The following TEX264 variants were observed in gnomAD, a reference collection of about 807,000 sequenced individuals.
The protein encoded by TEX264 is testis expressed 264, ER-phagy receptor, also known as testis-expressed protein 264.
Under a neutral mutation model 23.4 loss-of-function variants are expected in TEX264, and 13 were observed. The ratio of observed to expected loss-of-function variants is 0.56; its 90% CI spans 0.36 to 0.88. The LOEUF (loss-of-function observed/expected upper bound fraction) is 0.88, where lower values mean the gene tolerates loss of function less well. TEX264 is among the 40% of genes least tolerant of loss of function. The pLI, the probability that TEX264 is intolerant of heterozygous loss-of-function variation, is 0.01. For synonymous variants in TEX264, 159 were observed against 170.0 expected (o/e 0.94, Z 0.50); for missense variants, 340 against 406.8 (o/e 0.84, Z 1.41).
In TEX264 at chr3:51,694,085, G is replaced by GTCCTTCCTTCCTTCCT. The variant is rs60670569; in HGVS notation, c.481-5278_481-5263dup. ...CCTTCCCTTCCCCTTCCTTCCGTCC[G>GTCCTTCCTTCCTTCCT]TCCTTCCTTCCTTCCTTCCTTCCTT... On this transcript the variant is annotated intron_variant, in intron 3 of 4. Transcript: ENST00000341333. Among the ~76,000 whole-genome samples the GTCCTTCCTTCCTTCCT allele has an allele frequency of 2.2e-3, 187 of 85,296 alleles. 4 individuals are homozygous for GTCCTTCCTTCCTTCCT. The highest frequency in any genetic ancestry group is 0.014 in the South Asian group (25 of 1,768). The allele number at this position is 85,296 out of a possible 152,430, so 56.0% of individuals were successfully genotyped here.
At chr3:51,699,349 A>G in intron 3 of TEX264, 57 bp from the exon 4 acceptor site, 15 of 1,577,970 alleles carry the variant, frequency 9.5e-6, no homozygotes, top group Non-Finnish European at 1.3e-5. Flanking sequence ...TCACCCAGGG[A>G]CAAGTGAGTC....
At chr3:51,699,311 C>A in intron 3 of TEX264, 95 bp from the exon 4 acceptor site, 1 of 1,342,790 alleles carries the variant, frequency 7.4e-7, no homozygotes, top group Non-Finnish European at 1.0e-6. Flanking sequence ...GCCCCTGGGA[C>A]AGAATAGGTA....
At chr3:51,697,809 A>C (rs564495015) in intron 3 of TEX264, among the ~76,000 whole-genome samples, 1 of 152,190 alleles carries the variant, frequency 6.6e-6, no homozygotes, top group Admixed American at 6.5e-5. Context: ...TAGAGAAGCA[A>C]AGACAGCCAT....
chr3:51,704,025 C>T lies in TEX264; in HGVS notation c.*9C>T, dbSNP rs1206337000. The T allele has an allele frequency of 3.4e-6, 5 of 1,488,136 alleles. No individual in the cohort carries two copies. The Admixed American group carries it at 6.8e-5, about 20-fold the overall frequency. The allele number at this position is 1,488,136 out of a possible 1,614,324, so 92.2% of individuals were successfully genotyped here. A position where few individuals can be genotyped will look rare whatever the true frequency, so the allele number is the denominator to read the frequency against. ...AGAAGGGCAAGGAGTAACCCATGGC[C>T]TGCACCCTCCTGCAGTGCAGTTGCT... On this transcript the variant is annotated 3_prime_UTR_variant, in exon 5 of 5. Coordinates refer to ENST00000341333, the MANE Select transcript of TEX264 (RefSeq NM_015926.6).
chr3:51,693,053 A>G (rs1343098416), intron 3 of TEX264, among the ~76,000 whole-genome samples: 2 of 152,224 alleles, frequency 1.3e-5, no homozygotes, highest in Non-Finnish European at 2.9e-5. Context: ...CCTGTGTCCC[A>G]TGTGCCTGCT....
intron 3 of TEX264, among the ~76,000 whole-genome samples, chr3:51,693,259 C>G (rs1702892864): frequency 6.6e-6 from 1 of 152,180 alleles, no homozygotes; most frequent in South Asian, 2.1e-4. Flanking sequence ...GTGGCGGCAG[C>G]AGGCGCAGCA....
intron 3 of TEX264, 84 bp from the exon 4 acceptor site, chr3:51,699,322 A>G: frequency 1.4e-6 from 2 of 1,438,552 alleles, no homozygotes; most frequent in Non-Finnish European, 1.9e-6. Context: ...AGAATAGGTA[A>G]TAGACAGTTC....
chr3:51,676,540 A>C (rs1702236508), intron 2 of TEX264, among the ~76,000 whole-genome samples: 1 of 152,216 alleles, frequency 6.6e-6, no homozygotes, highest in Non-Finnish European at 1.5e-5. Flanking sequence ...CTGTGGCCTG[A>C]GAGCACAGCC....
chr3:51,692,848 G>T (rs1201734759), intron 3 of TEX264, among the ~76,000 whole-genome samples: 3 of 152,382 alleles, frequency 2.0e-5, no homozygotes, highest in South Asian at 4.1e-4. Flanking sequence ...CTCTAGCTGA[G>T]CTCTCCTTGG....
rs1197570561 is a variant in TEX264 at position 51,703,844 on chromosome 3, C to T, written c.770C>T (p.Thr257Ile). 3 of 1,612,990 alleles carry T rather than the reference C, an allele frequency of 1.9e-6. No individual in the cohort carries two copies. The highest frequency in any genetic ancestry group is 2.2e-5 in the East Asian group (1 of 44,874). ...AGCCGTGGCTGGGATGACGGTGACACCCGCAGCGAGCACAGCTACAGCGAG... is the reference window on the plus strand; with the variant it reads ...AGCCGTGGCTGGGATGACGGTGACATCCGCAGCGAGCACAGCTACAGCGAG... ...ASSRGWDDGD[T>I]RSEHSYSESG... The change falls in exon 5 of 5, where the codon ACC becomes ATC. Residue 257 changes from threonine (T) to isoleucine (I), a missense_variant. By Grantham distance (89) the Thr-to-Ile change is moderately conservative. Coordinates refer to ENST00000341333, the MANE Select transcript of TEX264 (RefSeq NM_015926.6). This position sits in a 1 kb window ranked among gnomAD's most constrained non-coding sequence, Gnocchi z 4.8.
At chr3:51,679,212 G>A (rs1702337945) in intron 2 of TEX264, among the ~76,000 whole-genome samples, 1 of 152,178 alleles carries the variant, frequency 6.6e-6, no homozygotes, top group African/African-American at 2.4e-5. Flanking sequence ...TCTGTCACAT[G>A]AGGATAAAAG....
chr3:51,687,835 A>C (rs1293124890), intron 3 of TEX264, among the ~76,000 whole-genome samples: 2 of 152,206 alleles, frequency 1.3e-5, no homozygotes, highest in Non-Finnish European at 2.9e-5. Context: ...CTCATGGGAC[A>C]GAGGGACCTG....
rs895136517 is a variant in TEX264, at chr3:51,691,423, T to G, written c.480+6789T>G. 2.6e-5 allele frequency among the ~76,000 whole-genome samples: 4 copies of G among 152,182 alleles called. No individual in the cohort carries two copies. The highest frequency in any genetic ancestry group is 9.6e-5 in the African/African-American group (4 of 41,456). ...TGAGTGACAATCCTCCAGCACTCTTTCCTCTTCCACCTCCTCCAGCCACAG... is the reference window on the plus strand; with the variant it reads ...TGAGTGACAATCCTCCAGCACTCTTGCCTCTTCCACCTCCTCCAGCCACAG... On this transcript the variant is annotated intron_variant, in intron 3 of 4. Transcript: ENST00000341333. The surrounding 1 kb of genome is among the most constrained non-coding windows in gnomAD (Gnocchi z 4.4).
Position 51,703,717 on chromosome 3 carries a change from G to A in TEX264, c.650-7G>A. On this transcript the variant is annotated splice_polypyrimidine_tract_variant and splice_region_variant and intron_variant, in intron 4 of 4. Transcript: ENST00000341333. This position sits in a 1 kb window ranked among gnomAD's most constrained non-coding sequence, Gnocchi z 4.8. ...AGCTAACCTGTGCTCCCTTTTCCTG[G>A]TCATAGGAGCTGACACAATGAGTGA... 6.3e-7 allele frequency: 1 copy of A among 1,576,744 alleles called. No homozygotes were observed. The highest frequency in any genetic ancestry group is 8.7e-7 in the Non-Finnish European group (1 of 1,155,150).
intron 3 of TEX264, among the ~76,000 whole-genome samples, chr3:51,694,009 TCC>T (rs1702933021): frequency 7.9e-6 from 1 of 126,398 alleles, no homozygotes; most frequent in African/African-American, 3.6e-5. Flanking sequence ...CTTCCTTCCT[TCC>T]TTCCTTCCTT....
intron 3 of TEX264, among the ~76,000 whole-genome samples, chr3:51,687,171 G>T (rs756316748): frequency 2.2e-4 from 33 of 152,220 alleles, no homozygotes; most frequent in Admixed American, 4.6e-4. Context: ...GTGTGGGCTT[G>T]GCCATCAGCG....
chr3:51,700,547 C>T (rs1255868467), intron 4 of TEX264, among the ~76,000 whole-genome samples: 1 of 152,116 alleles, frequency 6.6e-6, no homozygotes, highest in Non-Finnish European at 1.5e-5. Flanking sequence ...GCCCGGCAGA[C>T]ACTCTTCAGT....
rs1702157736 is a variant in TEX264 at position 51,674,354 on chromosome 3, T to G, written c.50T>G (p.Leu17Arg). Residue 17 changes from leucine to arginine, a missense_variant, in exon 2 of 5, where the codon CTG becomes CGG. Coordinates refer to ENST00000341333, the MANE Select transcript of TEX264 (RefSeq NM_015926.6). ...LGLIGGLTLL[L>R]LLTLLAFAGY... ...CTGATTGGGGGCCTGACTCTCTTAC[T>G]GCTGCTGACGCTGCTGGCCTTTGCC... The G allele has an allele frequency of 6.2e-7, 1 of 1,614,250 alleles. No homozygotes were observed. Among genetic ancestry groups the G allele is most frequent in the African/African-American group, 1.3e-5 (1 of 75,056 alleles).
At chr3:51,698,307 C>G (rs766076689) in intron 3 of TEX264, among the ~76,000 whole-genome samples, 2 of 152,194 alleles carry the variant, frequency 1.3e-5, no homozygotes, top group Non-Finnish European at 1.5e-5. Flanking sequence ...CAATAAGTCT[C>G]TCATTACTGC....
Sources: allele counts gnomAD v4.1 joint callset (sites outside exome capture counted in the v4.1 genomes callset), GRCh38; gene constraint gnomAD v4.1.1; non-coding constraint Gnocchi (gnomAD v3.1); transcripts MANE v1.5; gene names NCBI Gene and HGNC (gene_info 2026-07-23, HGNC 2026-07-21).